MYO1B: variants seen among roughly 807,000 people sequenced by gnomAD.
The protein encoded by MYO1B is myosin IB.
In MYO1B, 72 loss-of-function variants were observed where a neutral mutation model predicts 159.7. The observed-to-expected ratio is 0.45, with a 90% CI of 0.37 to 0.55. MYO1B has a LOEUF of 0.55. MYO1B is among the 20% of genes least tolerant of loss of function. The pLI is 0.00. For synonymous variants in MYO1B, 468 were observed against 473.8 expected (o/e 0.99, Z 0.16); for missense variants, 1,062 against 1,364.8 (o/e 0.78, Z 3.50).
At chr2:191,399,228 T>A (rs1398596862) in intron 21 of MYO1B, among the ~76,000 whole-genome samples, 1 of 151,812 alleles carries the variant, frequency 6.6e-6, no homozygotes, top group Non-Finnish European at 1.5e-5. Flanking sequence ...ACCATCCAGC[T>A]TTGGCTCGGC....
At chr2:191,352,292 T>C (rs1357555713) in intron 7 of MYO1B, among the ~76,000 whole-genome samples, 1 of 152,216 alleles carries the variant, frequency 6.6e-6, no homozygotes, top group Non-Finnish European at 1.5e-5. Context: ...TAGTGCTTTC[T>C]TTTTACAAGA....
intron 11 of MYO1B, among the ~76,000 whole-genome samples, chr2:191,368,907 G>T (rs1183510587): frequency 6.6e-6 from 1 of 152,152 alleles, no homozygotes; most frequent in Non-Finnish European, 1.5e-5. Context: ...CCAAGAGGCA[G>T]AGGTTGCAGT....
In MYO1B at chr2:191,392,174, A is replaced by G. The variant is rs1477694054; in HGVS notation, c.2049A>G (p.Ser683=). ...TGGAAGAATACTCCTTTGGTAGATC[A>G]AAGATATTCATCCGAAACCCAAGAA... ...IPVEEYSFGR[S]KIFIRNPRTL... is the part of the protein sequence containing the mutation. The change falls in exon 19 of 31, where the codon TCA becomes TCG. Residue 683 remains serine (S), a synonymous_variant. Coordinates refer to ENST00000392318, the MANE Select transcript of MYO1B (RefSeq NM_001130158.3). 9.3e-6 allele frequency: 15 copies of G among 1,607,570 alleles called. No individual in the cohort carries two copies. Among genetic ancestry groups the G allele is most frequent in the Non-Finnish European group, 1.2e-5 (14 of 1,175,316 alleles).
At chr2:191,373,000 C>T (rs1694469583) in intron 13 of MYO1B, among the ~76,000 whole-genome samples, 1 of 144,810 alleles carries the variant, frequency 6.9e-6, no homozygotes, top group Non-Finnish European at 1.5e-5. Flanking sequence ...GATTTTCCTG[C>T]AGCACCACGC....
At chr2:191,299,917 A>G (rs1574372613) in intron 3 of MYO1B, among the ~76,000 whole-genome samples, 1 of 152,368 alleles carries the variant, frequency 6.6e-6, no homozygotes, top group South Asian at 2.1e-4. Context: ...TCTGTGAGAA[A>G]GGAAAGCTAT....
At chr2:191,311,505 G>A (rs754005996) in intron 3 of MYO1B, among the ~76,000 whole-genome samples, 19 of 152,140 alleles carry the variant, frequency 1.2e-4, no homozygotes, top group South Asian at 2.1e-4. Flanking sequence ...TTTTTAAGCC[G>A]TTGCTTTGCC....
chr2:191,324,192 T>C (rs1312612652), intron 3 of MYO1B, among the ~76,000 whole-genome samples: 2 of 152,202 alleles, frequency 1.3e-5, no homozygotes, highest in East Asian at 3.8e-4. Context: ...TTTATATTCA[T>C]TCTTACATTC....
At chr2:191,332,063 A>C (rs2125922935) in intron 4 of MYO1B, among the ~76,000 whole-genome samples, 1 of 152,300 alleles carries the variant, frequency 6.6e-6, no homozygotes, top group Admixed American at 6.5e-5. Flanking sequence ...TCTGGGTTCA[A>C]GTGATTCTCC....
At chr2:191,350,293 G>C in intron 7 of MYO1B, 68 bp downstream of exon 7, 1 of 1,173,056 alleles carries the variant, frequency 8.5e-7, no homozygotes, top group Non-Finnish European at 1.3e-6. Context: ...TAGTAGAATA[G>C]TTTAGATACT....
At chr2:191,277,127 C>CAAA (rs1264595028) in intron 2 of MYO1B, 97 bp downstream of exon 2, 4 of 1,433,738 alleles carry the variant, frequency 2.8e-6, no homozygotes, top group Non-Finnish European at 3.8e-6. Flanking sequence ...TTTTTTCTCT[C>CAAA]TGTTTGAGTC....
chr2:191,407,764 A>G (rs1247120194), intron 24 of MYO1B: 2 of 157,792 alleles, frequency 1.3e-5, no homozygotes, highest in African/African-American at 4.8e-5. Context: ...GCCTTTTACA[A>G]AACAATCTGA....
Position 191,416,209 on chromosome 2 carries a change from C to G in MYO1B, c.3254C>G (p.Thr1085Ser). 1 of 1,614,142 alleles carries G rather than the reference C, an allele frequency of 6.2e-7. No individual in the cohort carries two copies. Among genetic ancestry groups the G allele is most frequent in the South Asian group, 1.1e-5 (1 of 91,082 alleles). Residue 1085 changes from threonine to serine, a missense_variant, in exon 30 of 31, where the codon ACC becomes AGC. Around this residue, in one of 5 missense-constraint regions of MYO1B, gnomAD observed 609 missense variants for 744.4 expected, o/e 0.82. Transcript: ENST00000392318. ...CTCTATCGCACAACTCTCAGCCAAA[C>G]CAAACAGAAGCTCAATATTGAGATT... ...TKLYRTTLSQ[T>S]KQKLNIEISD...
chr2:191,281,153 T>C (rs1688034787), intron 2 of MYO1B, among the ~76,000 whole-genome samples: 1 of 152,208 alleles, frequency 6.6e-6, no homozygotes, highest in African/African-American at 2.4e-5. Context: ...GAAATATCTG[T>C]TCTTCACTTT....
chr2:191,313,507 C>T (rs919235581), intron 3 of MYO1B, among the ~76,000 whole-genome samples: 2 of 152,192 alleles, frequency 1.3e-5, no homozygotes, highest in Non-Finnish European at 2.9e-5. Flanking sequence ...GCCTCAGCCT[C>T]CTGAGTAGCT....
intron 1 of MYO1B, among the ~76,000 whole-genome samples, chr2:191,267,948 C>G (rs1014748303): frequency 2.0e-5 from 3 of 152,146 alleles, no homozygotes; most frequent in African/African-American, 7.2e-5. Context: ...ATGGGCTGTG[C>G]CTGTCTAATA....
chr2:191,366,530 G>C (rs980599647), intron 11 of MYO1B, among the ~76,000 whole-genome samples: 3 of 151,770 alleles, frequency 2.0e-5, no homozygotes, highest in African/African-American at 7.3e-5. Context: ...CATCTTTATT[G>C]CCCCATGCCT....
intron 12 of MYO1B, 125 bp downstream of exon 12, chr2:191,369,753 A>T: frequency 2.7e-6 from 2 of 742,486 alleles, no homozygotes; most frequent in South Asian, 3.7e-5. Flanking sequence ...TATTCCTTAA[A>T]AAGAGTGTAC....
At chr2:191,320,689 C>G (rs1574420765) in intron 3 of MYO1B, among the ~76,000 whole-genome samples, 1 of 152,250 alleles carries the variant, frequency 6.6e-6, no homozygotes, top group South Asian at 2.1e-4. Flanking sequence ...TCGGCCCCCA[C>G]ATACCTTTTA....
At chr2:191,374,992 G>A (rs1293108267) in intron 13 of MYO1B, among the ~76,000 whole-genome samples, 1 of 152,158 alleles carries the variant, frequency 6.6e-6, no homozygotes, top group African/African-American at 2.4e-5. Context: ...TTATCTGACA[G>A]GCATTAAAAC....
Sources: allele counts gnomAD v4.1 joint callset (sites outside exome capture counted in the v4.1 genomes callset), GRCh38; gene constraint gnomAD v4.1.1; regional missense constraint gnomAD v4.1.1; transcripts MANE v1.5; gene names NCBI Gene and HGNC (gene_info 2026-07-23, HGNC 2026-07-21).